IP6K1: variants seen among roughly 807,000 people sequenced by gnomAD.
IP6K1 encodes the protein inositol hexakisphosphate kinase 1.
Under a neutral mutation model 38.3 loss-of-function variants are expected in IP6K1, and 13 were observed. The ratio of observed to expected loss-of-function variants is 0.34; its 90% CI spans 0.22 to 0.54. IP6K1 has a LOEUF of 0.54. Among genes scored for constraint, IP6K1 ranks in the 20% least tolerant of loss-of-function variants. The pLI is 0.92. For missense variants in IP6K1, 397 were observed against 599.8 expected (o/e 0.66, Z 3.53); for synonymous variants, 212 against 229.9 (o/e 0.92, Z 0.70).
At chr3:49,764,377 G>C (rs531264434) in intron 1 of IP6K1, among the ~76,000 whole-genome samples, 1 of 44,904 alleles carries the variant, frequency 2.2e-5, no homozygotes, top group South Asian at 5.1e-4. Flanking sequence ...GCAAGACCCT[G>C]TCTCTAAAAC....
At chr3:49,769,941 T>C (rs1024721429) in intron 1 of IP6K1, among the ~76,000 whole-genome samples, 1 of 152,202 alleles carries the variant, frequency 6.6e-6, no homozygotes, top group African/African-American at 2.4e-5. Flanking sequence ...AAGCCAAGCA[T>C]GGTGGCTCAG....
At chr3:49,746,669 C>CA (rs35749020) in intron 2 of IP6K1, among the ~76,000 whole-genome samples, 269 of 105,488 alleles carry the variant, frequency 2.6e-3, no homozygotes, top group Admixed American at 6.5e-3. Context: ...GAGAAACTCT[C>CA]AAAAAAAAAA....
At chr3:49,754,471 G>T (rs1264649574) in intron 1 of IP6K1, among the ~76,000 whole-genome samples, 1 of 152,134 alleles carries the variant, frequency 6.6e-6, no homozygotes, top group Non-Finnish European at 1.5e-5. Flanking sequence ...ACTGCTTGAG[G>T]CCAGGAGTTC....
chr3:49,754,566 G>T (rs1375477884), intron 1 of IP6K1, among the ~76,000 whole-genome samples: 1 of 152,076 alleles, frequency 6.6e-6, no homozygotes. Flanking sequence ...TAAAGAACTT[G>T]TTGAACCAAA....
chr3:49,775,446 G>T, intron 1 of IP6K1: 1 of 481,486 alleles, frequency 2.1e-6, no homozygotes, highest in Non-Finnish European at 3.9e-6. Context: ...ATCTTAGCAG[G>T]GGTGCCGTGT....
At chr3:49,760,267 CAG>C (rs1352354322) in intron 1 of IP6K1, among the ~76,000 whole-genome samples, 1 of 152,132 alleles carries the variant, frequency 6.6e-6, no homozygotes, top group Admixed American at 6.6e-5. Context: ...CCCATAGTTT[CAG>C]AGAGATGGGG....
chr3:49,740,940 G>A (rs1036936578), intron 2 of IP6K1, among the ~76,000 whole-genome samples: 5 of 149,762 alleles, frequency 3.3e-5, no homozygotes, highest in African/African-American at 1.2e-4. Flanking sequence ...TGCAATCTCC[G>A]CCTCCCGAGG....
chr3:49,743,255 C>CA (rs2080688371), intron 2 of IP6K1, among the ~76,000 whole-genome samples: 1 of 150,886 alleles, frequency 6.6e-6, no homozygotes, highest in African/African-American at 2.4e-5. Context: ...CACACACACA[C>CA]ACACACACAC....
At chr3:49,749,341 A>T (rs957032860) in intron 1 of IP6K1, among the ~76,000 whole-genome samples, 7 of 152,220 alleles carry the variant, frequency 4.6e-5, no homozygotes, top group African/African-American at 1.7e-4. Flanking sequence ...GGGACAAGGA[A>T]AAGCTCCTTG....
intron 2 of IP6K1, among the ~76,000 whole-genome samples, chr3:49,739,698 C>T (rs2080647995): frequency 6.6e-6 from 1 of 151,828 alleles, no homozygotes; most frequent in South Asian, 2.1e-4. Context: ...GACAGGGTCC[C>T]ATTGGAGTGC....
chr3:49,743,203 A>T (rs1232336928), intron 2 of IP6K1, among the ~76,000 whole-genome samples: 1 of 151,062 alleles, frequency 6.6e-6, no homozygotes, highest in East Asian at 2.0e-4. Flanking sequence ...CTAGGCAATG[A>T]AGCAAGACCC....
At chr3:49,777,652 C>T (rs1393113042) in intron 1 of IP6K1, among the ~76,000 whole-genome samples, 2 of 151,892 alleles carry the variant, frequency 1.3e-5, no homozygotes, top group African/African-American at 2.4e-5. Flanking sequence ...TGGTGGCTCA[C>T]GCCTGTAATC....
At chr3:49,762,388 A>G (rs1221166380) in intron 1 of IP6K1, among the ~76,000 whole-genome samples, 1 of 152,202 alleles carries the variant, frequency 6.6e-6, no homozygotes, top group Non-Finnish European at 1.5e-5. Flanking sequence ...CTAAAAATAC[A>G]AAAATTAGCT....
At chr3:49,767,081 A>G (rs1013172664) in intron 1 of IP6K1, among the ~76,000 whole-genome samples, 1 of 151,852 alleles carries the variant, frequency 6.6e-6, no homozygotes, top group African/African-American at 2.4e-5. Context: ...GGGCAACTTA[A>G]CAAGATCCCA....
At chr3:49,782,150 G>A (rs971148890) in intron 1 of IP6K1, among the ~76,000 whole-genome samples, 1 of 148,548 alleles carries the variant, frequency 6.7e-6, no homozygotes, top group South Asian at 2.1e-4. Flanking sequence ...CAAAGATAAA[G>A]AACAGTGGAT....
At chr3:49,761,687 C>G (rs1388112300) in intron 1 of IP6K1, among the ~76,000 whole-genome samples, 1 of 150,980 alleles carries the variant, frequency 6.6e-6, no homozygotes, top group Admixed American at 6.6e-5. Context: ...GGTGTGATGG[C>G]TTGCACCTGT....
At chr3:49,774,386 C>T (rs1306324779) in intron 1 of IP6K1, among the ~76,000 whole-genome samples, 1 of 111,664 alleles carries the variant, frequency 9.0e-6, no homozygotes, top group Non-Finnish European at 1.7e-5. Context: ...CCAGCCTGGG[C>T]GAAAGAGCTA....
At chr3:49,762,576 A>C (rs181712792) in intron 1 of IP6K1, among the ~76,000 whole-genome samples, 7 of 151,958 alleles carry the variant, frequency 4.6e-5, no homozygotes, top group Non-Finnish European at 7.4e-5. Context: ...TAATAATAAT[A>C]ATCTGAACAC....
At chr3:49,734,957 C>G (rs2080594887) in intron 3 of IP6K1, among the ~76,000 whole-genome samples, 1 of 152,124 alleles carries the variant, frequency 6.6e-6, no homozygotes, top group Non-Finnish European at 1.5e-5. Context: ...GACCTTGAAC[C>G]TGGACACAGG....
Sources: allele counts gnomAD v4.1 joint callset (sites outside exome capture counted in the v4.1 genomes callset), GRCh38; gene constraint gnomAD v4.1.1; transcripts MANE v1.5; gene names NCBI Gene and HGNC (gene_info 2026-07-23, HGNC 2026-07-21).